NUDCD1: variants seen among roughly 807,000 people sequenced by gnomAD.
The protein encoded by NUDCD1 is NudC domain containing 1, also known as nudC domain-containing protein 1.
A neutral mutation model predicts 67.8 loss-of-function variants in NUDCD1; 60 were observed. The ratio of observed to expected loss-of-function variants is 0.88; its 90% CI spans 0.72 to 1.10. The LOEUF (loss-of-function observed/expected upper bound fraction) is 1.10, where lower values mean the gene tolerates loss of function less well. Among genes scored for constraint, NUDCD1 ranks in the 50% least tolerant of loss-of-function variants. NUDCD1 has a pLI of 0.00. For synonymous variants in NUDCD1, 244 were observed against 230.8 expected, an observed-to-expected ratio of 1.06 and a Z score of -0.52; for missense variants, 643 against 695.0, an observed-to-expected ratio of 0.93 and a Z score of 0.84.
At chr8:109,325,990 AAC>A (rs1394141060) in intron 1 of NUDCD1, among the ~76,000 whole-genome samples, 7 of 152,240 alleles carry the variant, frequency 4.6e-5, no homozygotes, top group Non-Finnish European at 1.0e-4. Context: ...TTTTATAAGC[AAC>A]AGTTAGAAAT....
At chr8:109,251,433 A>G (rs1271964145) in intron 8 of NUDCD1, among the ~76,000 whole-genome samples, 1 of 152,100 alleles carries the variant, frequency 6.6e-6, no homozygotes, top group Non-Finnish European at 1.5e-5. Context: ...AGCCTCCTAA[A>G]GTGCTGGGAT....
intron 5 of NUDCD1, among the ~76,000 whole-genome samples, chr8:109,282,250 A>G (rs1814461524): frequency 6.6e-6 from 1 of 152,178 alleles, no homozygotes; most frequent in South Asian, 2.1e-4. Context: ...CTGAGGCAAT[A>G]GAGAGTTCTC....
intron 4 of NUDCD1, among the ~76,000 whole-genome samples, chr8:109,291,910 A>G (rs969063672): frequency 6.6e-6 from 1 of 152,100 alleles, no homozygotes; most frequent in Non-Finnish European, 1.5e-5. Flanking sequence ...ATGCATGACA[A>G]TGTCTCCTGT....
chr8:109,258,614 T>A (rs910742372), intron 8 of NUDCD1, among the ~76,000 whole-genome samples: 16 of 152,070 alleles, frequency 1.1e-4, no homozygotes, highest in Non-Finnish European at 7.4e-5. Flanking sequence ...GGAAAATAAT[T>A]AAATATCCTA....
intron 3 of NUDCD1, among the ~76,000 whole-genome samples, chr8:109,295,997 T>G (rs1383094985): frequency 5.9e-5 from 9 of 152,158 alleles, no homozygotes; most frequent in African/African-American, 2.2e-4. Flanking sequence ...TGACTACTAT[T>G]TGACCAATGT....
chr8:109,304,006 C>A (rs927981429), intron 2 of NUDCD1, among the ~76,000 whole-genome samples: 1 of 152,186 alleles, frequency 6.6e-6, no homozygotes, highest in East Asian at 1.9e-4. Flanking sequence ...TCAATACCTC[C>A]CCTCCACAAC....
chr8:109,313,812 G>A (rs1166258536), intron 2 of NUDCD1: 19 of 1,040,870 alleles, frequency 1.8e-5, no homozygotes, highest in Non-Finnish European at 2.4e-5. Context: ...TATACATGAC[G>A]GAGGTTGCTA....
At position 109,289,851 on chromosome 8, in the gene NUDCD1, T is replaced by A; in HGVS notation, c.723A>T (p.Gly241=). ...VPHYAAIEPD[G]NGLMIVSYKS... ...TGTAGGATACAATCATTAGACCATT[T>A]CCATCAGGCTCAATAGCAGCATAAT... Residue 241 remains glycine, a synonymous_variant, in exon 5 of 10, where the codon GGA becomes GGT. Transcript: ENST00000239690. 6.4e-7 allele frequency: 1 copy of A among 1,561,188 alleles called. No individual in the cohort carries two copies. Among genetic ancestry groups the A allele is most frequent in the South Asian group, 1.2e-5 (1 of 84,318 alleles).
intron 4 of NUDCD1, among the ~76,000 whole-genome samples, chr8:109,292,487 C>G (rs1814732667): frequency 6.6e-6 from 1 of 152,100 alleles, no homozygotes; most frequent in South Asian, 2.1e-4. Context: ...CAAATACTAA[C>G]AGTCTTTACT....
At chr8:109,262,813 T>C (rs1340825209) in intron 8 of NUDCD1, among the ~76,000 whole-genome samples, 1 of 151,964 alleles carries the variant, frequency 6.6e-6, no homozygotes, top group African/African-American at 2.4e-5. Flanking sequence ...CCTAGCACTT[T>C]GGGAGACCAA....
At chr8:109,269,144 A>C (rs959090994) in intron 8 of NUDCD1, among the ~76,000 whole-genome samples, 1 of 152,210 alleles carries the variant, frequency 6.6e-6, no homozygotes, top group South Asian at 2.1e-4. Flanking sequence ...TATATTAAGC[A>C]TCTATTATGA....
intron 1 of NUDCD1, among the ~76,000 whole-genome samples, chr8:109,325,538 TC>T (rs1815661358): frequency 6.6e-6 from 1 of 152,152 alleles, no homozygotes; most frequent in Non-Finnish European, 1.5e-5. Context: ...CCTCTACTTT[TC>T]CAGACAGAAG....
chr8:109,306,913 C>G (rs983885231), intron 2 of NUDCD1, among the ~76,000 whole-genome samples: 6 of 152,094 alleles, frequency 3.9e-5, no homozygotes, highest in Non-Finnish European at 7.4e-5. Flanking sequence ...TAATCCCTCT[C>G]GAAGCAGCCC....
In NUDCD1 at chr8:109,274,402, C is replaced by T. The variant is rs562364857; in HGVS notation, c.1173+950G>A. Reference sequence around the variant, plus strand: ...TTATCTACAATCTCAAAACACATCTCCACTACTGTCACTATTATATCCCCA... The same window carrying T: ...TTATCTACAATCTCAAAACACATCTTCACTACTGTCACTATTATATCCCCA... On this transcript the variant is annotated intron_variant, in intron 7 of 9. Transcript: ENST00000239690. Among the ~76,000 whole-genome samples, 4 of 152,260 alleles carry T rather than the reference C, an allele frequency of 2.6e-5. No individual in the cohort carries two copies. The East Asian group carries it at 5.8e-4, about 22-fold the overall frequency.
chr8:109,263,257 T>TA (rs928750047), intron 8 of NUDCD1, among the ~76,000 whole-genome samples: 1 of 151,966 alleles, frequency 6.6e-6, no homozygotes, highest in Non-Finnish European at 1.5e-5. Context: ...CCTTAGAAGA[T>TA]AGAGTGCCTC....
chr8:109,331,515 C>CAAA (rs59203626), intron 1 of NUDCD1, among the ~76,000 whole-genome samples: 56 of 65,766 alleles, frequency 8.5e-4, no homozygotes, highest in Non-Finnish European at 9.6e-4. Context: ...GACTCAGACT[C>CAAA]AAAAAAAAAA....
chr8:109,274,164 A>G (rs1814222710), intron 7 of NUDCD1, among the ~76,000 whole-genome samples: 1 of 152,144 alleles, frequency 6.6e-6, no homozygotes, highest in African/African-American at 2.4e-5. Flanking sequence ...ACCATTCGAG[A>G]GTTCTATATA....
chr8:109,308,258 A>G (rs1239241074), intron 2 of NUDCD1, among the ~76,000 whole-genome samples: 1 of 152,236 alleles, frequency 6.6e-6, no homozygotes, highest in Admixed American at 6.5e-5. Flanking sequence ...CAAGATGGAA[A>G]TTAAAAAATT....
rs553847737 is a variant in NUDCD1, at chr8:109,331,369, A to G, written c.118+2524T>C. 1.0e-3 allele frequency among the ~76,000 whole-genome samples: 156 copies of G among 152,142 alleles called. 4 individuals carry two copies. The South Asian group carries it at 0.032, about 31-fold the overall frequency. On this transcript the variant is annotated intron_variant, in intron 1 of 9. Transcript: ENST00000239690. ...AAACAAAAAGAAACAAACAAAAATT[A>G]GCTGGGCATGGTGGCGGGCGCCTGT...
Sources: allele counts gnomAD v4.1 joint callset (sites outside exome capture counted in the v4.1 genomes callset), GRCh38; gene constraint gnomAD v4.1.1; transcripts MANE v1.5; gene names NCBI Gene and HGNC (gene_info 2026-07-23, HGNC 2026-07-21).